PRDM15: variants seen among roughly 807,000 people sequenced by gnomAD.
PRDM15 encodes PR domain zinc finger protein 15.
In PRDM15, 64 loss-of-function variants were observed where a neutral mutation model predicts 128.6. That is an observed-to-expected ratio of 0.50 (90% CI 0.41 to 0.61). The LOEUF (loss-of-function observed/expected upper bound fraction) is 0.61, where lower values mean the gene tolerates loss of function less well. PRDM15 is among the 20% of genes least tolerant of loss of function. PRDM15 has a pLI of 0.00. For missense variants in PRDM15, 1,242 were observed against 1,569.1 expected, an observed-to-expected ratio of 0.79 and a Z score of 3.52; for synonymous variants, 615 against 621.8, an observed-to-expected ratio of 0.99 and a Z score of 0.16.
rs191739085 is a variant in PRDM15, at chr21:41,817,800, A to G, written c.2260+1782T>C. Among the ~76,000 whole-genome samples, 5 of 152,384 alleles carry G rather than the reference A, an allele frequency of 3.3e-5. No homozygotes were observed. In the East Asian group the frequency reaches 9.6e-4, roughly 29 times the overall value. Reference sequence around the variant, plus strand: ...TGTTGCGTGATAGCACGATGACAATACTGGAATTTGGTATTCTGTAAAATA... The same window carrying G: ...TGTTGCGTGATAGCACGATGACAATGCTGGAATTTGGTATTCTGTAAAATA... On this transcript the variant is annotated intron_variant, in intron 18 of 23. Coordinates refer to ENST00000398548, the MANE Select transcript of PRDM15 (RefSeq NM_001040424.3).
chr21:41,830,605 C>T (rs2146508726), intron 11 of PRDM15, among the ~76,000 whole-genome samples: 1 of 151,324 alleles, frequency 6.6e-6, no homozygotes, highest in East Asian at 1.9e-4. Flanking sequence ...CAACACACAC[C>T]ACATACACAC....
chr21:41,826,161 G>T, intron 12 of PRDM15, 107 bp from the exon 13 acceptor site: 1 of 865,546 alleles, frequency 1.2e-6, no homozygotes, highest in Non-Finnish European at 1.9e-6. Context: ...GGGAGGACAG[G>T]GCTGCCCACA....
intron 1 of PRDM15, chr21:41,861,961 G>C (rs1329089201): frequency 3.1e-6 from 5 of 1,614,028 alleles, no homozygotes; most frequent in Non-Finnish European, 4.2e-6. Context: ...GCTCTAGCAA[G>C]TGTGACTCAG....
Position 41,810,186 on chromosome 21 carries a change from T to C in PRDM15, c.2620A>G (p.Met874Val). 6.2e-7 allele frequency: 1 copy of C among 1,611,908 alleles called. No homozygotes were observed. Residue 874 changes from methionine (M) to valine (V), a missense_variant, in exon 21 of 24, where the codon ATG becomes GTG. Coordinates refer to ENST00000398548, the MANE Select transcript of PRDM15 (RefSeq NM_001040424.3). The surrounding 1 kb of genome is among the most constrained non-coding windows in gnomAD (Gnocchi z 6.4). The stretch of plus-strand genomic sequence containing the variant: ...TGCTTGCGCCGCATGTGTCGGCTCA[T>C]GGAGGCCCTGGTGGACACCTTGGTC... ...CGTKVSTRAS[M>V]SRHMRRKHPE...
At chr21:41,843,004 C>G (rs1018340579) in intron 6 of PRDM15, among the ~76,000 whole-genome samples, 1 of 152,006 alleles carries the variant, frequency 6.6e-6, no homozygotes, top group Admixed American at 6.5e-5. Context: ...AGGCTGGTCT[C>G]AAACTCCTGA....
chr21:41,866,396 C>T (rs908499211), intron 1 of PRDM15, among the ~76,000 whole-genome samples: 3 of 152,250 alleles, frequency 2.0e-5, no homozygotes, highest in Admixed American at 6.5e-5. Context: ...CAATGACCTG[C>T]GCTTGGCCTC....
intron 16 of PRDM15, 27 bp from the exon 17 acceptor site, chr21:41,820,201 G>C (rs1469500333): frequency 6.3e-7 from 1 of 1,598,184 alleles, no homozygotes; most frequent in Admixed American, 1.7e-5. Context: ...GCTCAGGATG[G>C]CCGCACAGCC....
At chr21:41,836,418 C>T (rs1375401279) in intron 9 of PRDM15, 50 bp downstream of exon 9, 1 of 1,562,046 alleles carries the variant, frequency 6.4e-7, no homozygotes, top group Admixed American at 1.7e-5. Context: ...CCACCCCCAG[C>T]CCCAGTCCTG....
At chr21:41,834,379 G>A in intron 11 of PRDM15, 1 of 818,126 alleles carries the variant, frequency 1.2e-6, no homozygotes, top group South Asian at 1.6e-5. Context: ...GCCCCTGGGA[G>A]TCCGCTGCTG....
chr21:41,805,719 A>G (rs2061539559), intron 21 of PRDM15, among the ~76,000 whole-genome samples: 1 of 151,774 alleles, frequency 6.6e-6, no homozygotes. Flanking sequence ...CATCACCACC[A>G]TAAGCACCAC....
rs746673514 is a variant in PRDM15, at chr21:41,821,184, A to G, written c.1943T>C (p.Val648Ala). 7 of 1,613,612 alleles carry G rather than the reference A, an allele frequency of 4.3e-6. No individual in the cohort carries two copies. Among genetic ancestry groups the G allele is most frequent in the Non-Finnish European group, 5.9e-6 (7 of 1,179,900 alleles). ...GKEYLKHIME[V>A]HKEKGYGCSI... ...GCAGCCATAGCCCTTCTCCTTGTGC[A>G]CCTCCATGATGTGCTTCAGGTACTC... The change falls in exon 16 of 24, where the codon GTG becomes GCG. Residue 648 changes from valine (V) to alanine (A), a missense_variant. Around this residue, in one of 3 missense-constraint regions of PRDM15, gnomAD observed 602 missense variants for 788.3 expected, o/e 0.76. Transcript: ENST00000398548. The surrounding 1 kb of genome is among the most constrained non-coding windows in gnomAD (Gnocchi z 5.4).
At chr21:41,808,856 G>A (rs1045284397) in intron 21 of PRDM15, among the ~76,000 whole-genome samples, 1 of 152,214 alleles carries the variant, frequency 6.6e-6, no homozygotes, top group African/African-American at 2.4e-5. Context: ...CGTTCTTATT[G>A]TAGGGTTGGA....
chr21:41,828,219 T>G lies in PRDM15; in HGVS notation c.1481A>C (p.Lys494Thr). 6.2e-7 allele frequency: 1 copy of G among 1,614,120 alleles called. No individual in the cohort carries two copies. Among genetic ancestry groups the G allele is most frequent in the Non-Finnish European group, 8.5e-7 (1 of 1,179,990 alleles). Residue 494 changes from lysine to threonine, a missense_variant, in exon 12 of 24, where the codon AAG (lysine) becomes ACG (threonine). By Grantham distance (78) the Lys-to-Thr change is moderately conservative. Coordinates refer to ENST00000398548, the MANE Select transcript of PRDM15 (RefSeq NM_001040424.3). The surrounding 1 kb of genome is among the most constrained non-coding windows in gnomAD (Gnocchi z 5.7). ...CATGACGTCCTTGCGGTAGAACATC[T>G]TGCTGCAGACCTCACAGGCAAACTT... Reference protein sequence around the residue: ...DKKFACEVCSKMFYRKDVMLD... With the variant: ...DKKFACEVCSTMFYRKDVMLD...
chr21:41,844,342 C>T (rs890160406), intron 6 of PRDM15, among the ~76,000 whole-genome samples: 3 of 151,574 alleles, frequency 2.0e-5, no homozygotes, highest in African/African-American at 7.3e-5. Context: ...ACACACAACC[C>T]CTCAGCCCAA....
chr21:41,825,555 C>T (rs949590439), intron 13 of PRDM15, among the ~76,000 whole-genome samples: 5 of 152,170 alleles, frequency 3.3e-5, no homozygotes, highest in African/African-American at 4.8e-5. Flanking sequence ...ATCCACTGCA[C>T]GGAGGAGACC....
At chr21:41,876,405 C>G (rs563458026) in intron 1 of PRDM15, among the ~76,000 whole-genome samples, 20 of 152,234 alleles carry the variant, frequency 1.3e-4, no homozygotes, top group Admixed American at 1.3e-3. Context: ...ACAGCAGAGT[C>G]CCCCAATGCC....
intron 1 of PRDM15, chr21:41,878,780 T>A: frequency 1.4e-6 from 2 of 1,435,400 alleles, no homozygotes; most frequent in Non-Finnish European, 1.8e-6. Flanking sequence ...GGGCGGGGGA[T>A]AACGACATCC....
In PRDM15 at chr21:41,832,837, G is replaced by A. The variant is rs574474943; in HGVS notation, c.1366+2600C>T. On this transcript the variant is annotated intron_variant, in intron 11 of 23. Transcript: ENST00000398548. The surrounding 1 kb of genome is among the most constrained non-coding windows in gnomAD (Gnocchi z 4.2). Reference sequence around the variant, plus strand: ...CAGCTTTCTCCCTCACAAGCCCCTCGTGACCATGGAAAGAGAACCTACTTC... The same window carrying A: ...CAGCTTTCTCCCTCACAAGCCCCTCATGACCATGGAAAGAGAACCTACTTC... Among the ~76,000 whole-genome samples the A allele has an allele frequency of 5.3e-5, 8 of 152,244 alleles. No individual in the cohort carries two copies. The highest frequency in any genetic ancestry group is 1.9e-4 in the East Asian group (1 of 5,178).
intron 16 of PRDM15, 119 bp from the exon 17 acceptor site, chr21:41,820,293 A>G: frequency 1.4e-6 from 1 of 731,284 alleles, no homozygotes; most frequent in South Asian, 1.6e-5. Flanking sequence ...CGGGGATGAT[A>G]AAAGAAGCAG....
Sources: gnomAD v4.1 joint callset for allele counts (sites outside exome capture counted in the v4.1 genomes callset) on GRCh38, gnomAD v4.1.1 for gene constraint, gnomAD v4.1.1 regional missense constraint, Gnocchi (gnomAD v3.1) non-coding constraint, MANE v1.5 for transcripts, NCBI Gene and HGNC (gene_info 2026-07-23, HGNC 2026-07-21) for gene names.